The following TMEM74 variants were observed in gnomAD, a reference collection of about 807,000 sequenced individuals.
TMEM74 encodes transmembrane protein 74.
Under a neutral mutation model 18.1 loss-of-function variants are expected in TMEM74, and 13 were observed. That is an observed-to-expected ratio of 0.72 (90% CI 0.47 to 1.14). TMEM74 has a LOEUF of 1.14. TMEM74 is among the 50% of genes most tolerant of loss of function. The pLI, the probability that TMEM74 is intolerant of heterozygous loss-of-function variation, is 0.00. For synonymous variants in TMEM74, 159 were observed against 146.6 expected (o/e 1.08, Z -0.61); for missense variants, 372 against 375.9 (o/e 0.99, Z 0.09).
At chr8:108,673,393 C>T (rs1813022541) in intron 1 of TMEM74, among the ~76,000 whole-genome samples, 2 of 152,302 alleles carry the variant, frequency 1.3e-5, no homozygotes, top group East Asian at 3.9e-4. Context: ...CAGTGAGAAG[C>T]TGCTGTGTAG....
chr8:108,737,948 C>T (rs1813764475), intron 1 of TMEM74, among the ~76,000 whole-genome samples: 1 of 152,146 alleles, frequency 6.6e-6, no homozygotes, highest in African/African-American at 2.4e-5. Flanking sequence ...CCTGTACTCA[C>T]CTGCTGAATT....
At chr8:108,658,030 G>C (rs73702124) in intron 1 of TMEM74, among the ~76,000 whole-genome samples, 2 of 150,756 alleles carry the variant, frequency 1.3e-5, no homozygotes, top group Non-Finnish European at 3.0e-5. Flanking sequence ...ATGAGAACAA[G>C]GCAGAAGGAA....
At chr8:108,718,804 A>T (rs74415195) in intron 1 of TMEM74, among the ~76,000 whole-genome samples, 217 of 152,268 alleles carry the variant, frequency 1.4e-3, no homozygotes, top group African/African-American at 4.9e-3. Flanking sequence ...TCGATATGAA[A>T]ATTGTAGTTT....
chr8:108,778,888 T>G (rs994430640), downstream of TMEM74, among the ~76,000 whole-genome samples: 10 of 152,274 alleles, frequency 6.6e-5, no homozygotes, highest in African/African-American at 2.4e-4. Context: ...CCAAATAACT[T>G]GGACTATTTC....
intron 1 of TMEM74, among the ~76,000 whole-genome samples, chr8:108,733,751 T>G (rs1200827842): frequency 4.6e-5 from 7 of 152,332 alleles, no homozygotes; most frequent in Middle Eastern, 3.4e-3. Flanking sequence ...GGGAATTTGT[T>G]GAATACAGAA....
intron 2 of TMEM74, among the ~76,000 whole-genome samples, chr8:108,610,633 T>C (rs1396889075): frequency 6.6e-6 from 1 of 152,110 alleles, no homozygotes; most frequent in Non-Finnish European, 1.5e-5. Context: ...GCCACAGGAA[T>C]GCCTTAGAAA....
At chr8:108,702,343 T>TG (rs1813344906) in intron 1 of TMEM74, among the ~76,000 whole-genome samples, 1 of 95,116 alleles carries the variant, frequency 1.1e-5, no homozygotes, top group East Asian at 2.9e-4. Context: ...AGACTCCATC[T>TG]AAAAAAAAAA....
intron 1 of TMEM74, among the ~76,000 whole-genome samples, chr8:108,765,253 C>T (rs1814091093): frequency 6.6e-6 from 1 of 152,100 alleles, no homozygotes; most frequent in East Asian, 1.9e-4. Context: ...ACCTGCCTTA[C>T]TTAGAGTACT....
At chr8:108,688,941 C>T (rs1813197861) in intron 1 of TMEM74, among the ~76,000 whole-genome samples, 1 of 152,174 alleles carries the variant, frequency 6.6e-6, no homozygotes, top group African/African-American at 2.4e-5. Flanking sequence ...TCCTTGACTC[C>T]TCTGCAGATG....
chr8:108,748,975 C>T (rs567529422), intron 1 of TMEM74, among the ~76,000 whole-genome samples: 3 of 152,138 alleles, frequency 2.0e-5, no homozygotes, highest in East Asian at 1.9e-4. Flanking sequence ...GTACCATACA[C>T]GTGGTGCCAG....
At chr8:108,631,634 T>C (rs957345893) in intron 2 of TMEM74, among the ~76,000 whole-genome samples, 1 of 152,044 alleles carries the variant, frequency 6.6e-6, no homozygotes, top group South Asian at 2.1e-4. Context: ...GTCGGATGCA[T>C]AGTTTGCAAA....
chr8:108,607,931 A>G (rs1021282258), intron 3 of TMEM74, among the ~76,000 whole-genome samples: 2 of 152,136 alleles, frequency 1.3e-5, no homozygotes, highest in Admixed American at 1.3e-4. Context: ...TCCTGTGTGT[A>G]TGTGTATGTG....
intron 1 of TMEM74, among the ~76,000 whole-genome samples, chr8:108,681,884 A>C (rs1474373348): frequency 2.0e-5 from 3 of 152,188 alleles, no homozygotes; most frequent in Admixed American, 1.3e-4. Flanking sequence ...GATCTTGGGA[A>C]ATGCTTCAAA....
chr8:108,765,429 T>A (rs1814095036), intron 1 of TMEM74, among the ~76,000 whole-genome samples: 1 of 149,056 alleles, frequency 6.7e-6, no homozygotes, highest in South Asian at 2.1e-4. Context: ...TTTTTTTAGA[T>A]GGAGTCTCAC....
intron 2 of TMEM74, among the ~76,000 whole-genome samples, chr8:108,643,108 A>G (rs1812682832): frequency 6.6e-6 from 1 of 152,182 alleles, no homozygotes; most frequent in South Asian, 2.1e-4. Flanking sequence ...AGACAAATAA[A>G]TAGCTAATTT....
intron 1 of TMEM74, among the ~76,000 whole-genome samples, chr8:108,742,451 C>T (rs1813810415): frequency 6.6e-6 from 1 of 152,150 alleles, no homozygotes; most frequent in Admixed American, 6.5e-5. Context: ...TATTAGATTC[C>T]TGTTTTATAC....
intron 2 of TMEM74, among the ~76,000 whole-genome samples, chr8:108,624,504 T>C (rs1392999681): frequency 1.3e-5 from 2 of 152,110 alleles, no homozygotes; most frequent in Non-Finnish European, 2.9e-5. Context: ...AAAGAAAATT[T>C]GTGGATTCCA....
At chr8:108,678,540 T>C (rs1813077971) in intron 1 of TMEM74, among the ~76,000 whole-genome samples, 1 of 150,850 alleles carries the variant, frequency 6.6e-6, no homozygotes, top group African/African-American at 2.4e-5. Flanking sequence ...ATTTTTTTTT[T>C]TTTTGTATTT....
At chr8:108,657,879 T>TATATATATAAATTAC (rs1554630290) in intron 1 of TMEM74, among the ~76,000 whole-genome samples, 1 of 82,754 alleles carries the variant, frequency 1.2e-5, no homozygotes, top group Non-Finnish European at 2.3e-5. Context: ...TATATATATA[T>TATATATATAAATTAC]ATATATATAT....
Sources: allele counts gnomAD v4.1 joint callset (sites outside exome capture counted in the v4.1 genomes callset), GRCh38; gene constraint gnomAD v4.1.1; transcripts MANE v1.5; gene names NCBI Gene and HGNC (gene_info 2026-07-23, HGNC 2026-07-21).